The following RABGAP1L variants were observed in gnomAD, a reference collection of about 807,000 sequenced individuals.
RABGAP1L encodes the protein rab GTPase-activating protein 1-like.
RABGAP1L carries 63 observed loss-of-function variants against 137.7 expected under a neutral mutation model. The ratio of observed to expected loss-of-function variants is 0.46; its 90% CI spans 0.37 to 0.56. RABGAP1L has a LOEUF of 0.56. RABGAP1L is among the 20% of genes least tolerant of loss of function. The probability of loss-of-function intolerance (pLI) is 0.00; values close to 1 mark genes in which losing one functional copy is unlikely to be tolerated. For missense variants in RABGAP1L, 1,095 were observed against 1,244.0 expected (o/e 0.88, Z 1.80); for synonymous variants, 431 against 433.7 (o/e 0.99, Z 0.08).
intron 13 of RABGAP1L, among the ~76,000 whole-genome samples, chr1:174,502,337 A>AC (rs557599475): frequency 1.8e-4 from 28 of 151,694 alleles, no homozygotes; most frequent in Admixed American, 2.6e-4. Flanking sequence ...TGGCCAGGTC[A>AC]CTACTCCACT....
chr1:174,692,195 C>G (rs1400368744), intron 15 of RABGAP1L, among the ~76,000 whole-genome samples: 1 of 152,050 alleles, frequency 6.6e-6, no homozygotes, highest in Admixed American at 6.6e-5. Flanking sequence ...GCTAGTTTAT[C>G]TTAAAGAAAT....
In RABGAP1L at chr1:174,221,179, T is replaced by G; in HGVS notation, c.331+15T>G. 2 of 1,490,710 alleles carry G rather than the reference T, an allele frequency of 1.3e-6. No individual in the cohort carries two copies. Among genetic ancestry groups the G allele is most frequent in the South Asian group, 2.7e-5 (2 of 73,382 alleles). The allele number at this position is 1,490,710 out of a possible 1,614,324, so 92.3% of individuals were successfully genotyped here. ...GTCTAACACAGGTACTGTATTGAAT[T>G]CTTAGAAACTATTAAAGAAATGGGA... On this transcript the variant is annotated intron_variant, in intron 3 of 25. Coordinates refer to ENST00000681986, the MANE Select transcript of RABGAP1L (RefSeq NM_001366446.1).
chr1:174,596,149 CG>C (rs1669889355), intron 13 of RABGAP1L, among the ~76,000 whole-genome samples: 1 of 138,976 alleles, frequency 7.2e-6, no homozygotes, highest in Non-Finnish European at 1.5e-5. Flanking sequence ...TTCTTTGACT[CG>C]GAAAGGGAAC....
intron 13 of RABGAP1L, among the ~76,000 whole-genome samples, chr1:174,587,612 G>A (rs893097431): frequency 2.0e-5 from 3 of 151,950 alleles, no homozygotes; most frequent in African/African-American, 7.2e-5. Flanking sequence ...AAAAGTTTGT[G>A]GGAAAATGCA....
chr1:174,735,612 C>CAAAAAAAAAAAAAAAAAAAAAAAAAAAAA (rs59281177), intron 17 of RABGAP1L, among the ~76,000 whole-genome samples: 1 of 46,134 alleles, frequency 2.2e-5, no homozygotes, highest in Non-Finnish European at 3.8e-5. Flanking sequence ...AACTCCATCT[C>CAAAAAAAAAAAAAAAAAAAAAAAAAAAAA]AAAAAAAAAA....
intron 7 of RABGAP1L, among the ~76,000 whole-genome samples, chr1:174,257,973 T>C (rs1374968122): frequency 6.6e-6 from 1 of 152,216 alleles, no homozygotes; most frequent in African/African-American, 2.4e-5. Context: ...AATTACTGAA[T>C]CCATGTTAAA....
At chr1:174,852,839 A>G (rs1004457228) in intron 19 of RABGAP1L, among the ~76,000 whole-genome samples, 1 of 151,962 alleles carries the variant, frequency 6.6e-6, no homozygotes, top group East Asian at 1.9e-4. Flanking sequence ...AAAACAAAAA[A>G]AAGTAGAACC....
chr1:174,208,510 T>C (rs1359558045), intron 1 of RABGAP1L, among the ~76,000 whole-genome samples: 1 of 152,170 alleles, frequency 6.6e-6, no homozygotes, highest in Non-Finnish European at 1.5e-5. Context: ...GAGTGGATGT[T>C]GGATTTTGTC....
chr1:174,937,782 C>T (rs1222737656), intron 19 of RABGAP1L, among the ~76,000 whole-genome samples: 2 of 149,646 alleles, frequency 1.3e-5, no homozygotes, highest in Admixed American at 6.7e-5. Context: ...CTGCAACCTT[C>T]ACCTCCCGGG....
intron 17 of RABGAP1L, among the ~76,000 whole-genome samples, chr1:174,737,375 GA>G (rs1434222424): frequency 6.6e-6 from 1 of 152,126 alleles, no homozygotes; most frequent in Non-Finnish European, 1.5e-5. Flanking sequence ...ATTTGGTAGG[GA>G]ATAACAAGGG....
chr1:174,738,386 C>T (rs1683123873), intron 17 of RABGAP1L, among the ~76,000 whole-genome samples: 1 of 152,160 alleles, frequency 6.6e-6, no homozygotes, highest in African/African-American at 2.4e-5. Context: ...ATAAGGCCCT[C>T]CTCAGTTGAC....
chr1:174,969,536 A>G (rs1669953805), intron 21 of RABGAP1L, 149 bp downstream of exon 21: 1 of 642,772 alleles, frequency 1.6e-6, no homozygotes, highest in Non-Finnish European at 2.7e-6. Context: ...GAGACCATGG[A>G]AAACATAAGC....
intron 12 of RABGAP1L, among the ~76,000 whole-genome samples, chr1:174,384,123 C>T (rs893307861): frequency 2.6e-5 from 4 of 152,224 alleles, no homozygotes; most frequent in African/African-American, 9.6e-5. Context: ...ATATACATTA[C>T]AACTGATGGA....
intron 7 of RABGAP1L, among the ~76,000 whole-genome samples, chr1:174,253,016 A>G (rs1181223278): frequency 6.6e-6 from 1 of 152,220 alleles, no homozygotes; most frequent in Non-Finnish European, 1.5e-5. Flanking sequence ...AAAACTATTC[A>G]GAAAACAAAG....
At chr1:174,612,478 T>G (rs1407301628) in intron 13 of RABGAP1L, among the ~76,000 whole-genome samples, 1 of 152,354 alleles carries the variant, frequency 6.6e-6, no homozygotes, top group East Asian at 1.9e-4. Flanking sequence ...TTCAGGATTT[T>G]TGCATCAATG....
At chr1:174,519,355 G>A (rs866474429) in intron 13 of RABGAP1L, among the ~76,000 whole-genome samples, 9 of 152,206 alleles carry the variant, frequency 5.9e-5, no homozygotes, top group Middle Eastern at 6.8e-3. Context: ...GAAGAACTTG[G>A]AGTCCGATGT....
chr1:174,228,119 G>T (rs1231048962), intron 3 of RABGAP1L, among the ~76,000 whole-genome samples: 1 of 151,408 alleles, frequency 6.6e-6, no homozygotes, highest in African/African-American at 2.4e-5. Flanking sequence ...TTCTTATTTT[G>T]TTAGATGTTT....
intron 11 of RABGAP1L, among the ~76,000 whole-genome samples, chr1:174,325,349 G>A (rs74128346): frequency 0.046 from 6,926 of 152,208 alleles, 229 homozygotes; most frequent in Middle Eastern, 0.092. Flanking sequence ...ATGCAATGTG[G>A]TTGGAACAAG....
In RABGAP1L at chr1:174,992,958, A is replaced by G. The variant is rs545439747; in HGVS notation, c.*2957A>G. On this transcript the variant is annotated 3_prime_UTR_variant, in exon 26 of 26. Transcript: ENST00000681986. ...TACAAAACATTCCTCTGAAAATCTA[A>G]TATTTGCAGTATCTAAGAATTGATC... 6.6e-6 allele frequency: 1 copy of G among 152,354 alleles called. No homozygotes were observed. The highest frequency in any genetic ancestry group is 1.5e-5 in the Non-Finnish European group (1 of 68,036). The allele number at this position is 152,354 out of a possible 1,614,324, so 9.4% of individuals were successfully genotyped here.
Sources: allele counts gnomAD v4.1 joint callset (sites outside exome capture counted in the v4.1 genomes callset), GRCh38; gene constraint gnomAD v4.1.1; transcripts MANE v1.5; gene names NCBI Gene and HGNC (gene_info 2026-07-23, HGNC 2026-07-21).